The following CSGALNACT2 variants were observed in gnomAD, a reference collection of about 807,000 sequenced individuals.
The protein encoded by CSGALNACT2 is beta 4 GalNAcT-2.
In CSGALNACT2, 35 loss-of-function variants were observed where a neutral mutation model predicts 55.3. The observed-to-expected ratio is 0.63, with a 90% CI of 0.48 to 0.84. CSGALNACT2 has a LOEUF of 0.84. CSGALNACT2 is among the 40% of genes least tolerant of loss of function. The pLI, the probability that CSGALNACT2 is intolerant of heterozygous loss-of-function variation, is 0.00. For missense variants in CSGALNACT2, 544 were observed against 657.5 expected (o/e 0.83, Z 1.89); for synonymous variants, 196 against 224.9 (o/e 0.87, Z 1.15).
intron 2 of CSGALNACT2, among the ~76,000 whole-genome samples, chr10:43,157,600 G>A (rs1446423856): frequency 6.6e-6 from 1 of 152,078 alleles, no homozygotes; most frequent in African/African-American, 2.4e-5. Flanking sequence ...CCTGGTTTGT[G>A]CTTCCTACTA....
At chr10:43,156,740 C>T (rs1839016983) in intron 2 of CSGALNACT2, among the ~76,000 whole-genome samples, 1 of 151,478 alleles carries the variant, frequency 6.6e-6, no homozygotes, top group Non-Finnish European at 1.5e-5. Context: ...CAGTTCACAA[C>T]AGAGTTTGCT....
In CSGALNACT2 at chr10:43,183,242, T is replaced by A; in HGVS notation, c.1337-8T>A. On this transcript the variant is annotated splice_polypyrimidine_tract_variant and splice_region_variant and intron_variant, in intron 7 of 7. Transcript: ENST00000374466. ...CAGTTATTTATAGTGTCAATTTTGA[T>A]CTTACAGGTGGATTTGACATGGAAG... is the stretch of plus-strand genomic sequence containing the variant. The A allele has an allele frequency of 6.2e-7, 1 of 1,607,064 alleles. No homozygotes were observed. The highest frequency in any genetic ancestry group is 8.5e-7 in the Non-Finnish European group (1 of 1,173,628).
At chr10:43,146,881 A>G (rs779437240) in intron 1 of CSGALNACT2, among the ~76,000 whole-genome samples, 20 of 150,544 alleles carry the variant, frequency 1.3e-4, no homozygotes, top group Admixed American at 2.0e-4. Flanking sequence ...AATGTTAGCC[A>G]TTCTATTTTT....
chr10:43,150,207 A>T (rs966190398), intron 1 of CSGALNACT2, among the ~76,000 whole-genome samples: 2 of 152,062 alleles, frequency 1.3e-5, no homozygotes, highest in African/African-American at 4.8e-5. Context: ...CATATCTGGT[A>T]TTTCTTCTTA....
intron 5 of CSGALNACT2, among the ~76,000 whole-genome samples, chr10:43,165,393 T>C (rs576503848): frequency 6.6e-6 from 1 of 152,034 alleles, no homozygotes; most frequent in East Asian, 1.9e-4. Flanking sequence ...AGGTTAATTA[T>C]GTGAGGTGAT....
intron 4 of CSGALNACT2, among the ~76,000 whole-genome samples, chr10:43,161,260 A>G (rs1454964929): frequency 6.6e-6 from 1 of 152,122 alleles, no homozygotes; most frequent in African/African-American, 2.4e-5. Flanking sequence ...ATTCTTTTTC[A>G]TTGCTTTTTT....
At chr10:43,139,921 C>T (rs1388531994) in intron 1 of CSGALNACT2, among the ~76,000 whole-genome samples, 5 of 152,174 alleles carry the variant, frequency 3.3e-5, no homozygotes. Context: ...GTGGGCCTGG[C>T]GTGGTGGCTC....
chr10:43,167,957 G>A (rs1056228739), intron 6 of CSGALNACT2, among the ~76,000 whole-genome samples: 1 of 147,266 alleles, frequency 6.8e-6, no homozygotes, highest in Non-Finnish European at 1.5e-5. Context: ...AAATATAGAA[G>A]CTTATGTTTA....
intron 3 of CSGALNACT2, 114 bp downstream of exon 3, chr10:43,159,045 C>G: frequency 1.6e-6 from 1 of 638,870 alleles, no homozygotes; most frequent in Non-Finnish European, 2.7e-6. Flanking sequence ...ATTTTACAGG[C>G]TTTAGGGGAA....
chr10:43,173,005 C>T (rs1362788476), intron 6 of CSGALNACT2, among the ~76,000 whole-genome samples: 2 of 152,156 alleles, frequency 1.3e-5, no homozygotes, highest in East Asian at 1.9e-4. Context: ...GCATGTAGAG[C>T]TTGTTCAGCC....
At chr10:43,175,440 G>A (rs771788768) in intron 6 of CSGALNACT2, among the ~76,000 whole-genome samples, 3 of 151,992 alleles carry the variant, frequency 2.0e-5, no homozygotes, top group Non-Finnish European at 2.9e-5. Flanking sequence ...ACCTATTAGT[G>A]AGCCAGTAAG....
chr10:43,146,376 C>T (rs1838747724), intron 1 of CSGALNACT2, among the ~76,000 whole-genome samples: 1 of 152,234 alleles, frequency 6.6e-6, no homozygotes, highest in Non-Finnish European at 1.5e-5. Flanking sequence ...CTCAGCAAGT[C>T]AGCCCTTCCA....
rs765307968 is a variant in CSGALNACT2 at position 43,169,142 on chromosome 10, T to A, written c.1254+2044T>A. Reference sequence around the variant, plus strand: ...CGGGGTGGCTAGGGAGCCCCTAGACTACAAAAGTGAACTACTGTTAGCGCA... The same window carrying A: ...CGGGGTGGCTAGGGAGCCCCTAGACAACAAAAGTGAACTACTGTTAGCGCA... On this transcript the variant is annotated intron_variant, in intron 6 of 7. Coordinates refer to ENST00000374466, the MANE Select transcript of CSGALNACT2 (RefSeq NM_018590.5). Among the ~76,000 whole-genome samples the A allele has an allele frequency of 3.9e-5, 6 of 152,320 alleles. No homozygotes were observed. The East Asian group carries it at 1.2e-3, about 29-fold the overall frequency.
In CSGALNACT2 at chr10:43,184,283, C is replaced by T. The variant is rs1015773434; in HGVS notation, c.*741C>T. The T allele has an allele frequency of 6.6e-6, 1 of 152,116 alleles. No homozygotes were observed. Among genetic ancestry groups the T allele is most frequent in the Non-Finnish European group, 1.5e-5 (1 of 68,010 alleles). The allele number at this position is 152,116 out of a possible 1,614,324, so 9.4% of individuals were successfully genotyped here. A position where few individuals can be genotyped will look rare whatever the true frequency, so the allele number is the denominator to read the frequency against. On this transcript the variant is annotated 3_prime_UTR_variant, in exon 8 of 8. Transcript: ENST00000374466. ...GAACAAACAGAAAAGAACACGGAAA[C>T]ATTTTTAACAGAGCATTTAATTATG...
rs1839278885 is a variant in CSGALNACT2 at position 43,166,994 on chromosome 10, T to C, written c.1160-10T>C. ...CTTTTTATGTTACAAACCTATATTT[T>C]AATTTGTAGGTAAGAAGGTGTTTTA... On this transcript the variant is annotated splice_polypyrimidine_tract_variant and intron_variant, in intron 5 of 7. Transcript: ENST00000374466. 1.3e-6 allele frequency: 2 copies of C among 1,548,080 alleles called. No individual in the cohort carries two copies. The highest frequency in any genetic ancestry group is 1.4e-5 in the African/African-American group (1 of 73,624).
intron 5 of CSGALNACT2, among the ~76,000 whole-genome samples, chr10:43,166,025 A>G (rs1310566882): frequency 6.6e-6 from 1 of 152,222 alleles, no homozygotes; most frequent in Non-Finnish European, 1.5e-5. Context: ...GGTTTTTTTA[A>G]TGTAGAACTA....
At chr10:43,142,048 C>T (rs117526750) in intron 1 of CSGALNACT2, among the ~76,000 whole-genome samples, 3,441 of 152,206 alleles carry the variant, frequency 0.023, 65 homozygotes, top group Non-Finnish European at 0.037. Context: ...ACCTTTTTAT[C>T]ACATGTATTT....
intron 2 of CSGALNACT2, among the ~76,000 whole-genome samples, chr10:43,158,488 T>C (rs945321544): frequency 2.6e-5 from 4 of 152,246 alleles, no homozygotes; most frequent in African/African-American, 9.6e-5. Flanking sequence ...ATTTGTAGTA[T>C]ATTTTATAGA....
rs372896814 is a variant in CSGALNACT2, at chr10:43,155,178, C to G, written c.29C>G (p.Thr10Ser). The G allele has an allele frequency of 3.2e-5, 52 of 1,614,052 alleles. No homozygotes were observed. In the East Asian group the frequency reaches 9.8e-4, roughly 30 times the overall value. MPRRGLILHTRTHWLLLGLA... is the reference protein window; with the variant it reads MPRRGLILHSRTHWLLLGLA... ...CCTAGAAGAGGACTGATTCTTCACA[C>G]CCGGACCCACTGGTTGCTGTTGGGC... The change falls in exon 2 of 8, where the codon ACC becomes AGC. Residue 10 changes from threonine (T) to serine (S), a missense_variant. By Grantham distance (58) the Thr-to-Ser change is moderately conservative. Transcript: ENST00000374466.
Sources: gnomAD v4.1 joint callset for allele counts (sites outside exome capture counted in the v4.1 genomes callset) on GRCh38, gnomAD v4.1.1 for gene constraint, MANE v1.5 for transcripts, NCBI Gene and HGNC (gene_info 2026-07-23, HGNC 2026-07-21) for gene names.